Variants in CYB5D1 observed in about 807,000 individuals in gnomAD.
CYB5D1 encodes cytochrome b5 domain-containing protein 1.
CYB5D1 carries 30 observed loss-of-function variants against 24.3 expected under a neutral mutation model. That is an observed-to-expected ratio of 1.23 (90% CI 0.92 to 1.67). CYB5D1 has a LOEUF of 1.67. Among genes scored for constraint, CYB5D1 ranks in the 40% most tolerant of loss-of-function variants. The pLI, the probability that CYB5D1 is intolerant of heterozygous loss-of-function variation, is 0.00. For synonymous variants in CYB5D1, 128 were observed against 123.2 expected, an observed-to-expected ratio of 1.04 and a Z score of -0.26; for missense variants, 265 against 296.7, an observed-to-expected ratio of 0.89 and a Z score of 0.79.
In CYB5D1 at chr17:7,860,147, C is replaced by CT. The variant is rs57736014; in HGVS notation, c.*547dup. 6.4e-3 allele frequency: 944 copies of CT among 147,174 alleles called. 6 individuals carry two copies. Among genetic ancestry groups the CT allele is most frequent in the South Asian group, 0.022 (105 of 4,794 alleles). The allele number at this position is 147,174 out of a possible 1,614,324, so 9.1% of individuals were successfully genotyped here. A position where few individuals can be genotyped will look rare whatever the true frequency, so the allele number is the denominator to read the frequency against. ...TTATACTAGGTACTTCATATACCCTCTTTTTTTTTTTTGCCCCCAACAAAG... is the reference window on the plus strand; with the variant it reads ...TTATACTAGGTACTTCATATACCCTCTTTTTTTTTTTTTGCCCCCAACAAAG... On this transcript the variant is annotated 3_prime_UTR_variant, in exon 4 of 4. Transcript: ENST00000332439.
intron 3 of CYB5D1, 125 bp from the exon 4 acceptor site, chr17:7,859,255 CTT>C (rs970247546): frequency 1.4e-6 from 1 of 717,750 alleles, no homozygotes; most frequent in African/African-American, 1.8e-5. Flanking sequence ...GGAGTTTCAG[CTT>C]TTTTTTCCCG....
Position 7,858,825 on chromosome 17 carries a change from G to A in CYB5D1, c.456+1G>A. On this transcript the variant is annotated splice_donor_variant, in intron 3 of 3. Coordinates refer to ENST00000332439, the MANE Select transcript of CYB5D1 (RefSeq NM_144607.6). LOFTEE classifies it high-confidence loss of function. Reference sequence around the variant, plus strand: ...CACGTCGCAGGAGCACACACTGGAGGTGAGAACTGGTGACAAGGAGCAGGT... The same window carrying A: ...CACGTCGCAGGAGCACACACTGGAGATGAGAACTGGTGACAAGGAGCAGGT... 6 of 1,529,150 alleles carry A rather than the reference G, an allele frequency of 3.9e-6. No homozygotes were observed. The highest frequency in any genetic ancestry group is 5.3e-6 in the Non-Finnish European group (6 of 1,138,130). The allele number at this position is 1,529,150 out of a possible 1,614,324, so 94.7% of individuals were successfully genotyped here.
rs1470680543 is a variant in CYB5D1, at chr17:7,858,884, G to A, written c.456+60G>A. ...ATGGGGAATCCCAGCAAATCTCCAG[G>A]CCGATCTTCAGGGCAACATTTTTTC... is the stretch of plus-strand genomic sequence containing the variant. On this transcript the variant is annotated intron_variant, in intron 3 of 3. Coordinates refer to ENST00000332439, the MANE Select transcript of CYB5D1 (RefSeq NM_144607.6). 8 of 1,433,794 alleles carry A rather than the reference G, an allele frequency of 5.6e-6. No individual in the cohort carries two copies. In the African/African-American group the frequency reaches 8.6e-5, roughly 15 times the overall value. 88.8% of individuals were successfully genotyped at this position (1,433,794 alleles called of 1,614,324 possible).
Position 7,859,726 on chromosome 17 carries a change from C to T in CYB5D1, c.*114C>T. The T allele has an allele frequency of 1.2e-6, 1 of 862,774 alleles. No homozygotes were observed. 53.4% of individuals were successfully genotyped at this position (862,774 alleles called of 1,614,324 possible). ...TGCCTGGACCCAGATCTCCACTCCT[C>T]TCCAGGAGCTAGCCTGTGCCCTTCT... is the stretch of plus-strand genomic sequence containing the variant. On this transcript the variant is annotated 3_prime_UTR_variant, in exon 4 of 4. Transcript: ENST00000332439.
rs1328016515 is a variant in CYB5D1 at position 7,858,689 on chromosome 17, G to A, written c.321G>A (p.Leu107=). The A allele has an allele frequency of 1.9e-6, 3 of 1,611,500 alleles. No individual in the cohort carries two copies. The highest frequency in any genetic ancestry group is 2.2e-5 in the South Asian group (2 of 90,810). The change falls in exon 3 of 4, where the codon CTG becomes CTA. Residue 107 remains leucine, a synonymous_variant. Transcript: ENST00000332439. ...GCTTTGTGCACGTTCCGCCTCAGCT[G>A]CCCTGTTCGGACTGGGCCAACGATT... The part of the protein sequence containing the change: ...RGRFVHVPPQ[L]PCSDWANDFG...
rs2078854133 is a variant in CYB5D1, at chr17:7,858,586, C to A, written c.238-20C>A. On this transcript the variant is annotated intron_variant, in intron 2 of 3. Coordinates refer to ENST00000332439, the MANE Select transcript of CYB5D1 (RefSeq NM_144607.6). ...CCTAATGGCTGCTCTGACACCCTCG[C>A]CCCAAACCCTCCTTTAAAGATCCGC... 6.2e-6 allele frequency: 10 copies of A among 1,607,606 alleles called. No individual in the cohort carries two copies. Among genetic ancestry groups the A allele is most frequent in the Non-Finnish European group, 8.5e-6 (10 of 1,175,242 alleles).
chr17:7,858,124 G>A lies in CYB5D1; in HGVS notation c.-11G>A. On this transcript the variant is annotated 5_prime_UTR_variant, in exon 1 of 4. Coordinates refer to ENST00000332439, the MANE Select transcript of CYB5D1 (RefSeq NM_144607.6). ...TAACCAAGAGATCCAGTGACCGACA[G>A]AGCAAGAGCCATGCCGCGCCGGGGC... 1 of 1,613,128 alleles carries A rather than the reference G, an allele frequency of 6.2e-7. No individual in the cohort carries two copies. The highest frequency in any genetic ancestry group is 8.5e-7 in the Non-Finnish European group (1 of 1,179,860).
In CYB5D1 at chr17:7,860,823, C is replaced by T. The variant is rs1441402377; in HGVS notation, c.*1211C>T. The T allele has an allele frequency of 6.6e-6, 1 of 151,518 alleles. No individual in the cohort carries two copies. The highest frequency in any genetic ancestry group is 1.9e-4 in the East Asian group (1 of 5,182). 9.4% of individuals were successfully genotyped at this position (151,518 alleles called of 1,614,324 possible). On this transcript the variant is annotated 3_prime_UTR_variant, in exon 4 of 4. Transcript: ENST00000332439. ...ATTGGGGCTACTTCTTTGTTAATCC[C>T]ATACCCCAGATTTCTCTCCTGACCT...
chr17:7,858,006 G>T lies in CYB5D1; in HGVS notation c.-129G>T, dbSNP rs141207743. Reference sequence around the variant, plus strand: ...TGGACGGTGGCCGGAAAAGGACAATGGTTTCCATGTCAGCGGATAAACGCT... The same window carrying T: ...TGGACGGTGGCCGGAAAAGGACAATTGTTTCCATGTCAGCGGATAAACGCT... On this transcript the variant is annotated 5_prime_UTR_variant, in exon 1 of 4. An upstream start codon of the reference 5' UTR is lost. Coordinates refer to ENST00000332439, the MANE Select transcript of CYB5D1 (RefSeq NM_144607.6). 3.3e-6 allele frequency: 5 copies of T among 1,520,184 alleles called. No homozygotes were observed. The African/African-American group carries it at 6.9e-5, about 21-fold the overall frequency. The allele number at this position is 1,520,184 out of a possible 1,614,324, so 94.2% of individuals were successfully genotyped here.
At chr17:7,858,908 TC>T in intron 3 of CYB5D1, 84 bp downstream of exon 3, 1 of 1,269,762 alleles carries the variant, frequency 7.9e-7, no homozygotes, top group East Asian at 2.5e-5. Context: ...CAACATTTTT[TC>T]CATAACCGGT....
rs2078876100 is a variant in CYB5D1, at chr17:7,860,642, G to T, written c.*1030G>T. The T allele has an allele frequency of 6.6e-6, 1 of 152,192 alleles. No individual in the cohort carries two copies. The highest frequency in any genetic ancestry group is 2.4e-5 in the African/African-American group (1 of 41,438). 9.4% of individuals were successfully genotyped at this position (152,192 alleles called of 1,614,324 possible). A position where few individuals can be genotyped will look rare whatever the true frequency, so the allele number is the denominator to read the frequency against. ...CATTTGTAGCCACTGCTCTCAGCAA[G>T]TATTTGGGATGTGGCTTTGTCCTAG... On this transcript the variant is annotated 3_prime_UTR_variant, in exon 4 of 4. Transcript: ENST00000332439.
chr17:7,858,365 G>C, intron 1 of CYB5D1, 38 bp from the exon 2 acceptor site: 1 of 1,614,106 alleles, frequency 6.2e-7, no homozygotes, highest in Non-Finnish European at 8.5e-7. Context: ...GGTTCTCGAA[G>C]GGCTGGCATT....
At position 7,859,693 on chromosome 17, in the gene CYB5D1, C is replaced by T. The variant is rs2151386519; in HGVS notation, c.*81C>T. 7.6e-7 allele frequency: 1 copy of T among 1,307,716 alleles called. No homozygotes were observed. The highest frequency in any genetic ancestry group is 2.3e-5 in the East Asian group (1 of 43,370). 81.0% of individuals were successfully genotyped at this position (1,307,716 alleles called of 1,614,324 possible). A position where few individuals can be genotyped will look rare whatever the true frequency, so the allele number is the denominator to read the frequency against. ...TGTGCCTTGAGGAAAAGTGGTGGGG[C>T]CGAGGGGTGCCTGGACCCAGATCTC... On this transcript the variant is annotated 3_prime_UTR_variant, in exon 4 of 4. Transcript: ENST00000332439.
intron 3 of CYB5D1, 104 bp from the exon 4 acceptor site, chr17:7,859,278 G>A (rs1597873826): frequency 1.2e-6 from 1 of 869,058 alleles, no homozygotes; most frequent in Non-Finnish European, 1.8e-6. Flanking sequence ...GGGCCGTAGA[G>A]TACCTGAAGC....
rs2078876072 is a variant in CYB5D1, at chr17:7,860,641, A to AC, written c.*1029_*1030insC. On this transcript the variant is annotated 3_prime_UTR_variant, in exon 4 of 4. Transcript: ENST00000332439. ...ACATTTGTAGCCACTGCTCTCAGCA[A>AC]GTATTTGGGATGTGGCTTTGTCCTA... is the stretch of plus-strand genomic sequence containing the variant. The AC allele has an allele frequency of 6.6e-6, 1 of 152,204 alleles. No homozygotes were observed. Among genetic ancestry groups the AC allele is most frequent in the African/African-American group, 2.4e-5 (1 of 41,438 alleles). The allele number at this position is 152,204 out of a possible 1,614,324, so 9.4% of individuals were successfully genotyped here. A position where few individuals can be genotyped will look rare whatever the true frequency, so the allele number is the denominator to read the frequency against.
rs1567812645 is a variant in CYB5D1 at position 7,858,424 on chromosome 17, T to A, written c.182T>A (p.Ile61Asn). ...CAAGGGAACCTGCTGCTGAAACCCA[T>A]CGTGGAAGTTGCAGGCCAGGATATC... ...EYKGNLLLKP[I>N]VEVAGQDISH... is the part of the protein sequence containing the mutation. The change falls in exon 2 of 4, where the codon ATC becomes AAC. Residue 61 changes from isoleucine (I) to asparagine (N), a missense_variant. Physicochemically the swap from Ile to Asn is moderately radical, Grantham distance 149. Transcript: ENST00000332439. 1.2e-6 allele frequency: 2 copies of A among 1,614,086 alleles called. No homozygotes were observed. Among genetic ancestry groups the A allele is most frequent in the East Asian group, 4.5e-5 (2 of 44,882 alleles).
chr17:7,859,024 G>A (rs570474759), intron 3 of CYB5D1, 200 bp downstream of exon 3: 72 of 571,932 alleles, frequency 1.3e-4, no homozygotes, highest in African/African-American at 1.1e-3. Flanking sequence ...AGGGGGACAA[G>A]AGACTCCTTT....
At chr17:7,858,894 AGGG>A (rs2078859453) in intron 3 of CYB5D1, 70 bp downstream of exon 3, 1 of 1,377,150 alleles carries the variant, frequency 7.3e-7, no homozygotes. Context: ...GCCGATCTTC[AGGG>A]CAACATTTTT....
chr17:7,858,619 T>C lies in CYB5D1; in HGVS notation c.251T>C (p.Ile84Thr), dbSNP rs751244325. 3 of 1,605,284 alleles carry C rather than the reference T, an allele frequency of 1.9e-6. No individual in the cohort carries two copies. Among genetic ancestry groups the C allele is most frequent in the Non-Finnish European group, 2.6e-6 (3 of 1,174,106 alleles). Residue 84 changes from isoleucine to threonine, a missense_variant, in exon 3 of 4, where the codon ATA becomes ACA. Physicochemically the swap from Ile to Thr is moderately conservative, Grantham distance 89. Coordinates refer to ENST00000332439, the MANE Select transcript of CYB5D1 (RefSeq NM_144607.6). ...CCTCCTTTAAAGATCCGCAAGCACA[T>C]AGATCCGCTGACCGGCTGCCTGAGG... ...DPKTRDIRKH[I>T]DPLTGCLRYC...
Sources: gnomAD v4.1 joint callset for allele counts on GRCh38, gnomAD v4.1.1 for gene constraint, MANE v1.5 for transcripts, NCBI Gene and HGNC (gene_info 2026-07-23, HGNC 2026-07-21) for gene names.